Variants in TLE2 observed in about 807,000 individuals in gnomAD.
TLE2 encodes TLE family member 2, transcriptional corepressor.
A neutral mutation model predicts 97.2 loss-of-function variants in TLE2; 74 were observed. The observed-to-expected ratio is 0.76, with a 90% confidence interval of 0.63 to 0.92. The LOEUF (loss-of-function observed/expected upper bound fraction) is 0.92, where lower values mean the gene tolerates loss of function less well. Ranked by LOEUF, TLE2 falls within the 40% of genes least tolerant of loss-of-function variation. TLE2 has a pLI of 0.00. For missense variants in TLE2, 1,038 were observed against 1,008.7 expected, an observed-to-expected ratio of 1.03 and a Z score of -0.39; for synonymous variants, 499 against 432.1, an observed-to-expected ratio of 1.15 and a Z score of -1.92.
At chr19:3,013,359 T>C (rs531167117) in intron 11 of TLE2, among the ~76,000 whole-genome samples, 2 of 152,230 alleles carry the variant, frequency 1.3e-5, no homozygotes, top group Admixed American at 1.3e-4. Context: ...GGCTGGGCTT[T>C]CACTATGTTT....
chr19:3,025,746 G>T, intron 4 of TLE2: 1 of 354,544 alleles, frequency 2.8e-6, no homozygotes, highest in Non-Finnish European at 3.9e-6. Flanking sequence ...CTGTGTGTCT[G>T]GCGAAGTCTG....
chr19:3,006,765 CCT>C, intron 14 of TLE2, 96 bp from the exon 15 acceptor site: 1 of 1,454,630 alleles, frequency 6.9e-7, no homozygotes, highest in African/African-American at 1.4e-5. Flanking sequence ...TGCCTGGCAC[CCT>C]CTGATGTGTT....
intron 1 of TLE2, among the ~76,000 whole-genome samples, chr19:3,042,752 A>C (rs1458388281): frequency 6.6e-6 from 1 of 152,134 alleles, no homozygotes; most frequent in East Asian, 1.9e-4. Flanking sequence ...AGCTGTTCTC[A>C]TTAAGCACCA....
At chr19:3,035,768 C>G (rs10404481) in intron 1 of TLE2, among the ~76,000 whole-genome samples, 1 of 152,102 alleles carries the variant, frequency 6.6e-6, no homozygotes, top group African/African-American at 2.4e-5. Flanking sequence ...GCACTGGGAT[C>G]AGTAGGGCCA....
intron 5 of TLE2, among the ~76,000 whole-genome samples, chr19:3,020,931 C>G (rs1266827170): frequency 6.7e-6 from 1 of 150,336 alleles, no homozygotes; most frequent in Non-Finnish European, 1.5e-5. Context: ...ACTAAAAATA[C>G]AAAAAAAATT....
At position 3,019,522 on chromosome 19, in the gene TLE2, C is replaced by T; in HGVS notation, c.370-59G>A. ...GGGGCGGCAGGAGCCCAGCGGTCCC[C>T]AGCCCAAGAGGTAGACACAGGGGAT... On this transcript the variant is annotated intron_variant, in intron 6 of 19. Coordinates refer to ENST00000262953, the MANE Select transcript of TLE2 (RefSeq NM_003260.5). This position sits in a 1 kb window ranked among gnomAD's most constrained non-coding sequence, Gnocchi z 5.1. 2 of 1,481,704 alleles carry T rather than the reference C, an allele frequency of 1.3e-6. No individual in the cohort carries two copies. Among genetic ancestry groups the T allele is most frequent in the Non-Finnish European group, 8.9e-7 (1 of 1,118,066 alleles). 91.8% of individuals were successfully genotyped at this position (1,481,704 alleles called of 1,614,324 possible). A position where few individuals can be genotyped will look rare whatever the true frequency, so the allele number is the denominator to read the frequency against.
At chr19:3,033,313 G>A (rs1429234837), upstream of TLE2, among the ~76,000 whole-genome samples, 2 of 151,886 alleles carry the variant, frequency 1.3e-5, no homozygotes, top group African/African-American at 4.8e-5. Context: ...GACTACAGGC[G>A]CCCACCACCA....
chr19:3,038,271 C>T (rs10425504), intron 1 of TLE2, among the ~76,000 whole-genome samples: 2 of 152,092 alleles, frequency 1.3e-5, no homozygotes, highest in Admixed American at 6.5e-5. Context: ...GCAGTGCCAC[C>T]GTCATAGCTC....
upstream of TLE2, among the ~76,000 whole-genome samples, chr19:3,033,047 C>T (rs2090037814): frequency 6.6e-6 from 1 of 151,926 alleles, no homozygotes; most frequent in African/African-American, 2.4e-5. Context: ...GATTCTCTTG[C>T]CTCAGCCTCT....
chr19:3,030,589 T>C (rs1210533017), upstream of TLE2, among the ~76,000 whole-genome samples: 1 of 151,990 alleles, frequency 6.6e-6, no homozygotes, highest in Non-Finnish European at 1.5e-5. Context: ...GGGTTAGGGT[T>C]ACAAAAACCC....
chr19:3,036,398 C>T (rs2090063222), intron 1 of TLE2, among the ~76,000 whole-genome samples: 1 of 152,268 alleles, frequency 6.6e-6, no homozygotes, highest in Non-Finnish European at 1.5e-5. Context: ...CGGCTCCCGG[C>T]CCGGCGCGGT....
intron 4 of TLE2, among the ~76,000 whole-genome samples, chr19:3,027,124 T>C (rs35467331): frequency 0.086 from 13,077 of 152,074 alleles, 691 homozygotes; most frequent in Middle Eastern, 0.13. Context: ...GGTCTATCTC[T>C]GAACCTTGAG....
chr19:3,036,203 T>G (rs770596711), intron 1 of TLE2, among the ~76,000 whole-genome samples: 1 of 152,172 alleles, frequency 6.6e-6, no homozygotes, highest in Non-Finnish European at 1.5e-5. Context: ...TGCTGGGCCT[T>G]GTGCCTCAGT....
At chr19:3,046,945 C>CCCTT (rs924059699), upstream of TLE2, among the ~76,000 whole-genome samples, 1 of 119,750 alleles carries the variant, frequency 8.4e-6, no homozygotes, top group African/African-American at 3.1e-5. Flanking sequence ...TCCCCCTCCT[C>CCCTT]CTCCCTTCCC....
chr19:3,014,841 T>G (rs2089668715), intron 9 of TLE2, among the ~76,000 whole-genome samples: 1 of 151,988 alleles, frequency 6.6e-6, no homozygotes, highest in Admixed American at 6.6e-5. Context: ...GAGAGGACTT[T>G]GAAGGATGTG....
At chr19:3,007,897 C>T (rs2089509731) in intron 14 of TLE2, among the ~76,000 whole-genome samples, 1 of 152,030 alleles carries the variant, frequency 6.6e-6, no homozygotes. Context: ...CCAGCCTGGC[C>T]AACATGGTGA....
At chr19:3,021,114 A>AAAAAAAAAAAGAAAAG (rs752326503) in intron 5 of TLE2, among the ~76,000 whole-genome samples, 1 of 45,446 alleles carries the variant, frequency 2.2e-5, no homozygotes, top group Admixed American at 3.4e-4. Flanking sequence ...AAAAAAAAAA[A>AAAAAAAAAAAGAAAAG]GGGGGGGGGG....
chr19:3,039,442 CAA>C (rs2090084632), intron 1 of TLE2, among the ~76,000 whole-genome samples: 1 of 152,122 alleles, frequency 6.6e-6, no homozygotes, highest in South Asian at 2.1e-4. Context: ...AGTCTAGCCT[CAA>C]GACCTCTGCA....
At chr19:3,000,403 T>C (rs1286456205) in intron 19 of TLE2, among the ~76,000 whole-genome samples, 1 of 152,050 alleles carries the variant, frequency 6.6e-6, no homozygotes, top group African/African-American at 2.4e-5. Flanking sequence ...TAATATTATA[T>C]GCATGTTACT....
Sources: allele counts gnomAD v4.1 joint callset (sites outside exome capture counted in the v4.1 genomes callset), GRCh38; gene constraint gnomAD v4.1.1; non-coding constraint Gnocchi (gnomAD v3.1); transcripts MANE v1.5; gene names NCBI Gene and HGNC (gene_info 2026-07-23, HGNC 2026-07-21).